The following ANO7 variants were observed in gnomAD, a reference collection of about 807,000 sequenced individuals.
The protein encoded by ANO7 is anoctamin 7.
ANO7 carries 114 observed loss-of-function variants against 115.8 expected under a neutral mutation model. The ratio of observed to expected loss-of-function variants is 0.98; its 90% CI spans 0.85 to 1.15. The LOEUF is 1.15. ANO7 is among the 50% of genes most tolerant of loss of function. The pLI, the probability that ANO7 is intolerant of heterozygous loss-of-function variation, is 0.00. For synonymous variants in ANO7, 550 were observed against 498.2 expected (o/e 1.10, Z -1.38); for missense variants, 1,302 against 1,201.2 (o/e 1.08, Z -1.24).
chr2:241,197,704 A>G (rs1407370324), intron 4 of ANO7, among the ~76,000 whole-genome samples: 2 of 146,984 alleles, frequency 1.4e-5, no homozygotes, highest in African/African-American at 5.1e-5. Context: ...AGGCTGGAGT[A>G]CAGTGGTGTG....
chr2:241,189,629 C>T (rs2149087288), intron 1 of ANO7, among the ~76,000 whole-genome samples: 1 of 152,252 alleles, frequency 6.6e-6, no homozygotes. Context: ...TGAGCGAAGG[C>T]AGGCGACTTG....
intron 15 of ANO7, among the ~76,000 whole-genome samples, chr2:241,211,776 C>T (rs574775559): frequency 2.0e-5 from 3 of 152,138 alleles, no homozygotes; most frequent in African/African-American, 7.2e-5. Context: ...GCACCTGCAC[C>T]GGAGCCCAGT....
At chr2:241,212,843 A>C in intron 17 of ANO7, 1 of 542,086 alleles carries the variant, frequency 1.8e-6, no homozygotes, top group Non-Finnish European at 3.3e-6. Flanking sequence ...CCACACCAAA[A>C]CACTCCAGGC....
chr2:241,233,212 G>C, the ANO7 span, among the ~76,000 whole-genome samples: 1 of 152,200 alleles, frequency 6.6e-6, no homozygotes, highest in African/African-American at 2.4e-5. The surrounding 1 kb of genome is among the most constrained non-coding windows in gnomAD (Gnocchi z 4.3). Context: ...ACCAAGCCTG[G>C]GAAGTGTGTG....
At position 241,224,282 on chromosome 2, in the gene ANO7, G is replaced by A; in HGVS notation, c.*129G>A. 1 of 1,039,944 alleles carries A rather than the reference G, an allele frequency of 9.6e-7. No individual in the cohort carries two copies. The highest frequency in any genetic ancestry group is 1.4e-6 in the Non-Finnish European group (1 of 715,456). The allele number at this position is 1,039,944 out of a possible 1,614,324, so 64.4% of individuals were successfully genotyped here. A position where few individuals can be genotyped will look rare whatever the true frequency, so the allele number is the denominator to read the frequency against. On this transcript the variant is annotated 3_prime_UTR_variant, in exon 25 of 25. Transcript: ENST00000674324. ...GGCTGCTGTTGTGCCTCATCTCTGG[G>A]CACATTGCCTGCTTCCCCCCAGCGC...
At chr2:241,237,668 C>G in the ANO7 span, among the ~76,000 whole-genome samples, 1 of 152,148 alleles carries the variant, frequency 6.6e-6, no homozygotes, top group Non-Finnish European at 1.5e-5. Context: ...TGTCCTTGTT[C>G]TAAGAAAATA....
the ANO7 span, among the ~76,000 whole-genome samples, chr2:241,237,954 G>C: frequency 6.6e-6 from 1 of 152,350 alleles, no homozygotes; most frequent in East Asian, 1.9e-4. Context: ...TGGATGCCCA[G>C]AGAGATGACA....
rs895637292 is a variant in ANO7, at chr2:241,191,474, G to A, written c.166+223G>A. On this transcript the variant is annotated intron_variant, in intron 3 of 24. Transcript: ENST00000674324. The stretch of plus-strand genomic sequence containing the variant: ...CCCTACTGATGGGGTGGGGCCGGAA[G>A]GGCTCTGGAGAGTGGACAGGGCTGC... 1.1e-4 allele frequency among the ~76,000 whole-genome samples: 17 copies of A among 152,142 alleles called. No homozygotes were observed. The East Asian group carries it at 3.3e-3, about 29-fold the overall frequency.
Position 241,224,429 on chromosome 2 carries a change from C to T in ANO7, c.*276C>T, listed in dbSNP as rs1574805318. 1 of 487,388 alleles carries T rather than the reference C, an allele frequency of 2.1e-6. No individual in the cohort carries two copies. The highest frequency in any genetic ancestry group is 3.7e-6 in the Non-Finnish European group (1 of 267,436). 30.2% of individuals were successfully genotyped at this position (487,388 alleles called of 1,614,324 possible). A position where few individuals can be genotyped will look rare whatever the true frequency, so the allele number is the denominator to read the frequency against. The stretch of plus-strand genomic sequence containing the variant: ...CCAAGGGGCCCCTGCACCCAAGGGA[C>T]CCTGTCCCTCGGTGGCCTCCCCAGG... On this transcript the variant is annotated 3_prime_UTR_variant, in exon 25 of 25. Coordinates refer to ENST00000674324, the MANE Select transcript of ANO7 (RefSeq NM_001370694.2).
chr2:241,208,268 A>C (rs986174305), intron 11 of ANO7, among the ~76,000 whole-genome samples: 39 of 152,368 alleles, frequency 2.6e-4, no homozygotes, highest in African/African-American at 8.9e-4. Context: ...AAAACAGCAG[A>C]AGCTTATTCT....
intron 4 of ANO7, among the ~76,000 whole-genome samples, chr2:241,197,117 TGAGA>T (rs926013674): frequency 2.0e-5 from 3 of 152,194 alleles, no homozygotes; most frequent in African/African-American, 7.2e-5. Flanking sequence ...TGTTTGTTTT[TGAGA>T]GAGAGTCTCG....
At position 241,225,947 on chromosome 2, in the gene ANO7, CT is replaced by C. The variant is rs1486217585; in HGVS notation, c.*1799del. 6.6e-6 allele frequency among the ~76,000 whole-genome samples: 1 copy of C among 152,284 alleles called. No homozygotes were observed. The highest frequency in any genetic ancestry group is 1.5e-5 in the Non-Finnish European group (1 of 68,024). Reference sequence around the variant, plus strand: ...ACGTGTACTTCCTTCCAGCTGGTTGCTTTTTATTGTTGCTGTCTTAAACTCC... The same window carrying C: ...ACGTGTACTTCCTTCCAGCTGGTTGCTTTTATTGTTGCTGTCTTAAACTCC... On this transcript the variant is annotated 3_prime_UTR_variant, in exon 25 of 25. Coordinates refer to ENST00000674324, the MANE Select transcript of ANO7 (RefSeq NM_001370694.2).
chr2:241,212,698 G>A (rs2068743329), intron 17 of ANO7, 72 bp downstream of exon 17: 2 of 1,488,826 alleles, frequency 1.3e-6, no homozygotes, highest in East Asian at 4.8e-5. Context: ...TTCCATTCGA[G>A]CTTTGATTTG....
In ANO7 at chr2:241,209,360, G is replaced by C; in HGVS notation, c.1153G>C (p.Glu385Gln). 1 of 1,581,518 alleles carries C rather than the reference G, an allele frequency of 6.3e-7. No individual in the cohort carries two copies. The highest frequency in any genetic ancestry group is 8.6e-7 in the Non-Finnish European group (1 of 1,164,266). ...FMALWAVLLL[E>Q]YWKRKSATLA... ...GGCACTGTGGGCCGTGCTGCTGCTG[G>C]AGTACTGGAAGCGGAAGAGCGCCAC... The change falls in exon 12 of 25, where the codon GAG (glutamate) becomes CAG (glutamine). Residue 385 changes from glutamate (E) to glutamine (Q), a missense_variant. By Grantham distance (29) the Glu-to-Gln change is conservative. Transcript: ENST00000674324.
At chr2:241,236,298 G>A in the ANO7 span, 1 of 370,036 alleles carries the variant, frequency 2.7e-6, no homozygotes, top group Non-Finnish European at 5.0e-6. Flanking sequence ...CGTTGCAACT[G>A]GAGGTCACAT....
chr2:241,210,450 C>T lies in ANO7; in HGVS notation c.1459-18C>T, dbSNP rs367758702. 236 of 1,613,796 alleles carry T rather than the reference C, an allele frequency of 1.5e-4. 2 individuals carry two copies. The highest frequency in any genetic ancestry group is 1.3e-3 in the Middle Eastern group (8 of 6,062). On this transcript the variant is annotated intron_variant, in intron 14 of 24. Coordinates refer to ENST00000674324, the MANE Select transcript of ANO7 (RefSeq NM_001370694.2). Reference sequence around the variant, plus strand: ...TGAGCGGCCCCTCATCCGGCTCTGACGGCCTGTCTCCCGTTAGGCCTCTCG... The same window carrying T: ...TGAGCGGCCCCTCATCCGGCTCTGATGGCCTGTCTCCCGTTAGGCCTCTCG...
At chr2:241,229,791 C>CCCCCA, downstream of ANO7, 1 of 1,553,454 alleles carries the variant, frequency 6.4e-7, no homozygotes, top group Non-Finnish European at 8.7e-7. Context: ...CCTGCCCGCC[C>CCCCCA]ACCCTCCCTG....
At position 241,223,967 on chromosome 2, in the gene ANO7, A is replaced by G. The variant is rs2069092267; in HGVS notation, c.2583+12A>G. 6.2e-7 allele frequency: 1 copy of G among 1,613,892 alleles called. No homozygotes were observed. Among genetic ancestry groups the G allele is most frequent in the Admixed American group, 1.7e-5 (1 of 60,006 alleles). On this transcript the variant is annotated intron_variant, in intron 24 of 24. Coordinates refer to ENST00000674324, the MANE Select transcript of ANO7 (RefSeq NM_001370694.2). ...CCGAGGGCTCAGAGGCAAGTCTGGG[A>G]GCAGCCAGGCCCCTGCCCCGTGCAC... is the stretch of plus-strand genomic sequence containing the variant.
At chr2:241,226,429 AT>A (rs560568437), downstream of ANO7, among the ~76,000 whole-genome samples, 2,102 of 142,984 alleles carry the variant, frequency 0.015, 40 homozygotes, top group African/African-American at 0.047. Flanking sequence ...CATGTTCGGC[AT>A]TTTTTTTTTT....
Sources: gnomAD v4.1 joint callset for allele counts (sites outside exome capture counted in the v4.1 genomes callset) on GRCh38, gnomAD v4.1.1 for gene constraint, Gnocchi (gnomAD v3.1) non-coding constraint, MANE v1.5 for transcripts, NCBI Gene and HGNC (gene_info 2026-07-23, HGNC 2026-07-21) for gene names.